The following SGCZ variants were observed in gnomAD, a reference collection of about 807,000 sequenced individuals.
SGCZ encodes sarcoglycan zeta, also known as zeta-sarcoglycan.
A neutral mutation model predicts 41.3 loss-of-function variants in SGCZ; 40 were observed. The ratio of observed to expected loss-of-function variants is 0.97; its 90% confidence interval spans 0.75 to 1.26. SGCZ has a LOEUF of 1.26. SGCZ is among the 50% of genes most tolerant of loss of function. The pLI is 0.00. For missense variants in SGCZ, 552 were observed against 369.8 expected (o/e 1.49, Z -4.04); for synonymous variants, 206 against 137.5 (o/e 1.50, Z -3.49).
chr8:14,531,906 T>C (rs1803144732), intron 2 of SGCZ, among the ~76,000 whole-genome samples: 1 of 152,132 alleles, frequency 6.6e-6, no homozygotes, highest in South Asian at 2.1e-4. Context: ...AAGAATTTAC[T>C]AGGACCCATG....
intron 2 of SGCZ, among the ~76,000 whole-genome samples, chr8:14,491,187 C>G (rs1053420635): frequency 2.0e-5 from 3 of 152,088 alleles, no homozygotes; most frequent in Non-Finnish European, 4.4e-5. Flanking sequence ...GGAATGTTTA[C>G]AAATTTATGG....
chr8:14,840,350 A>C (rs1044905262), intron 1 of SGCZ, among the ~76,000 whole-genome samples: 2 of 152,158 alleles, frequency 1.3e-5, no homozygotes, highest in African/African-American at 4.8e-5. Context: ...CAAATAATCA[A>C]TAACTGAATC....
intron 1 of SGCZ, among the ~76,000 whole-genome samples, chr8:15,186,187 G>A (rs544118): frequency 1.3e-5 from 2 of 148,710 alleles, no homozygotes; most frequent in South Asian, 4.2e-4. Context: ...GCATGAACCC[G>A]GGAGGCGGAG....
At chr8:15,131,325 C>T (rs1470095527) in intron 1 of SGCZ, among the ~76,000 whole-genome samples, 2 of 152,140 alleles carry the variant, frequency 1.3e-5, no homozygotes, top group Non-Finnish European at 2.9e-5. Flanking sequence ...AGGGGTTTCC[C>T]CTTTCACTTG....
intron 1 of SGCZ, among the ~76,000 whole-genome samples, chr8:15,186,011 T>A (rs779467224): frequency 4.6e-5 from 7 of 150,994 alleles, no homozygotes; most frequent in Non-Finnish European, 7.4e-5. Flanking sequence ...GATCACGAGG[T>A]CAGGAGATGA....
At position 14,931,317 on chromosome 8, in the gene SGCZ, G is replaced by A. The variant is rs1227424518; in HGVS notation, c.39+306268C>T. On this transcript the variant is annotated intron_variant, in intron 1 of 7. Transcript: ENST00000382080. ...GCAGTCATTTTATAACTTTTCTTAA[G>A]TTAAATTTCAAATAGTTTGATCTAT... is the stretch of plus-strand genomic sequence containing the variant. 5.9e-5 allele frequency among the ~76,000 whole-genome samples: 9 copies of A among 151,946 alleles called. No individual in the cohort carries two copies. In the East Asian group the frequency reaches 1.7e-3, roughly 29 times the overall value.
chr8:14,803,589 G>C (rs1449374362), intron 1 of SGCZ, among the ~76,000 whole-genome samples: 2 of 152,170 alleles, frequency 1.3e-5, no homozygotes, highest in Non-Finnish European at 2.9e-5. Context: ...CGCCCAGGGA[G>C]TCTCCCTGAT....
At chr8:15,103,131 T>G (rs539403629) in intron 1 of SGCZ, among the ~76,000 whole-genome samples, 3 of 152,256 alleles carry the variant, frequency 2.0e-5, no homozygotes, top group East Asian at 3.9e-4. Flanking sequence ...CTCAGTGCAG[T>G]GGCTCAAGGC....
intron 1 of SGCZ, among the ~76,000 whole-genome samples, chr8:15,235,605 G>C (rs576694719): frequency 6.6e-6 from 1 of 152,104 alleles, no homozygotes; most frequent in Non-Finnish European, 1.5e-5. Flanking sequence ...GTGACATTAA[G>C]CTGAGATCTT....
chr8:14,291,055 AG>A (rs996731692), intron 3 of SGCZ, among the ~76,000 whole-genome samples: 18 of 152,090 alleles, frequency 1.2e-4, no homozygotes, highest in African/African-American at 2.9e-4. Context: ...ATGAACTTGG[AG>A]GACATTAAGT....
At chr8:14,303,747 T>C (rs978655069) in intron 3 of SGCZ, among the ~76,000 whole-genome samples, 2 of 152,026 alleles carry the variant, frequency 1.3e-5, no homozygotes, top group South Asian at 4.1e-4. Context: ...TATCAAAATA[T>C]CAAATATCTA....
At chr8:15,003,641 A>T (rs141422540) in intron 1 of SGCZ, among the ~76,000 whole-genome samples, 2 of 152,292 alleles carry the variant, frequency 1.3e-5, no homozygotes, top group East Asian at 3.9e-4. Flanking sequence ...AAAACATAAC[A>T]TGTTTTTATA....
intron 1 of SGCZ, among the ~76,000 whole-genome samples, chr8:14,868,057 T>G (rs565234871): frequency 6.6e-6 from 1 of 152,180 alleles, no homozygotes; most frequent in Admixed American, 6.5e-5. Context: ...CATACTTAGC[T>G]AATTTGAGCT....
At chr8:14,508,214 T>C (rs569750939) in intron 2 of SGCZ, among the ~76,000 whole-genome samples, 1 of 152,304 alleles carries the variant, frequency 6.6e-6, no homozygotes, top group East Asian at 1.9e-4. Flanking sequence ...CTCATTAGAA[T>C]TGAAGTACCC....
At chr8:14,394,987 T>A (rs979938085) in intron 2 of SGCZ, among the ~76,000 whole-genome samples, 2 of 152,168 alleles carry the variant, frequency 1.3e-5, no homozygotes, top group African/African-American at 4.8e-5. Context: ...CCTTAATCAC[T>A]TGGGAACTTT....
At chr8:14,638,928 G>A (rs1053320455) in intron 1 of SGCZ, among the ~76,000 whole-genome samples, 9 of 151,426 alleles carry the variant, frequency 5.9e-5, no homozygotes, top group African/African-American at 2.2e-4. Context: ...TACGTCATAT[G>A]TAAACATTTC....
At chr8:14,153,406 C>T (rs1194468147) in intron 5 of SGCZ, among the ~76,000 whole-genome samples, 6 of 152,084 alleles carry the variant, frequency 3.9e-5, no homozygotes, top group Non-Finnish European at 8.8e-5. Context: ...AATACCAGTG[C>T]AAGGCTTAGA....
chr8:14,744,971 G>C (rs1799301081), intron 1 of SGCZ, among the ~76,000 whole-genome samples: 1 of 152,128 alleles, frequency 6.6e-6, no homozygotes, highest in South Asian at 2.1e-4. Context: ...TTGAAGGAAT[G>C]TTTTACTTGT....
At chr8:14,727,771 C>G (rs962237152) in intron 1 of SGCZ, among the ~76,000 whole-genome samples, 15 of 152,108 alleles carry the variant, frequency 9.9e-5, no homozygotes. Context: ...CTCGGCCTCC[C>G]AAAGTGCTGG....
Sources: allele counts gnomAD v4.1 joint callset (sites outside exome capture counted in the v4.1 genomes callset), GRCh38; gene constraint gnomAD v4.1.1; transcripts MANE v1.5; gene names NCBI Gene and HGNC (gene_info 2026-07-23, HGNC 2026-07-21).